The following ROBO1 variants were observed in gnomAD, a reference collection of about 807,000 sequenced individuals.
ROBO1 encodes roundabout homolog 1.
In ROBO1, 149 loss-of-function variants were observed where a neutral mutation model predicts 195.9. That is an observed-to-expected ratio of 0.76 (90% CI 0.67 to 0.87). The LOEUF (loss-of-function observed/expected upper bound fraction) is 0.87, where lower values mean the gene tolerates loss of function less well. ROBO1 is among the 40% of genes least tolerant of loss of function. The probability of loss-of-function intolerance (pLI) is 0.00; values close to 1 mark genes in which losing one functional copy is unlikely to be tolerated. For missense variants in ROBO1, 1,933 were observed against 2,068.3 expected, an observed-to-expected ratio of 0.93 and a Z score of 1.27; for synonymous variants, 816 against 733.2, an observed-to-expected ratio of 1.11 and a Z score of -1.82.
chr3:79,091,488 T>A (rs552755483), intron 3 of ROBO1, among the ~76,000 whole-genome samples: 21 of 152,178 alleles, frequency 1.4e-4, no homozygotes, highest in African/African-American at 4.6e-4. Flanking sequence ...ACAGTAAGTG[T>A]AGTAAATGTT....
At chr3:79,317,914 C>A (rs1235167602) in intron 2 of ROBO1, among the ~76,000 whole-genome samples, 1 of 151,986 alleles carries the variant, frequency 6.6e-6, no homozygotes, top group Non-Finnish European at 1.5e-5. Context: ...GCATAAACAA[C>A]TTTATGTGTG....
chr3:79,708,901 T>C (rs974337130), intron 1 of ROBO1, among the ~76,000 whole-genome samples: 1 of 152,068 alleles, frequency 6.6e-6, no homozygotes, highest in Non-Finnish European at 1.5e-5. Flanking sequence ...ATATGATGAA[T>C]AGGAGAATAA....
At chr3:79,454,423 A>G (rs1237495800) in intron 2 of ROBO1, among the ~76,000 whole-genome samples, 2 of 152,118 alleles carry the variant, frequency 1.3e-5, no homozygotes, top group Non-Finnish European at 2.9e-5. Context: ...TGACATGAGC[A>G]TTGACTTACA....
chr3:79,161,054 T>C (rs918610780), intron 2 of ROBO1, among the ~76,000 whole-genome samples: 16 of 152,070 alleles, frequency 1.1e-4, no homozygotes, highest in Admixed American at 2.6e-4. Flanking sequence ...AAAGTCAAGG[T>C]ATTTTGGTAA....
At chr3:79,059,792 C>T (rs987191203) in intron 3 of ROBO1, among the ~76,000 whole-genome samples, 2 of 151,996 alleles carry the variant, frequency 1.3e-5, no homozygotes, top group Non-Finnish European at 2.9e-5. Flanking sequence ...TATGTTGCCT[C>T]AGGACCCTGT....
intron 2 of ROBO1, among the ~76,000 whole-genome samples, chr3:79,295,022 T>C (rs2032501750): frequency 6.6e-6 from 1 of 152,096 alleles, no homozygotes; most frequent in African/African-American, 2.4e-5. Flanking sequence ...AGTTCAACCA[T>C]TGTGGAAGAC....
At chr3:78,737,712 C>T (rs1378857334) in intron 5 of ROBO1, among the ~76,000 whole-genome samples, 1 of 152,032 alleles carries the variant, frequency 6.6e-6, no homozygotes, top group Non-Finnish European at 1.5e-5. Flanking sequence ...TTAAGATAGA[C>T]AGGAAAAATT....
intron 2 of ROBO1, among the ~76,000 whole-genome samples, chr3:79,381,355 CAAAAAAAAAAAAAA>C (rs61680946): frequency 3.0e-4 from 18 of 60,718 alleles, no homozygotes; most frequent in Non-Finnish European, 4.7e-4. Flanking sequence ...AACTCCGTCT[CAAAAAAAAAAAAAA>C]AAAAAAAAGA....
In ROBO1 at chr3:78,925,385, A is replaced by C. The variant is rs180802289; in HGVS notation, c.499+13216T>G. 2.8e-3 allele frequency among the ~76,000 whole-genome samples: 431 copies of C among 152,334 alleles called. 1 individual carries two copies. The highest frequency in any genetic ancestry group is 0.014 in the Middle Eastern group (4 of 294). ...TTTTGAAAAAGCTGAGCTGCATTGG[A>C]CACTCACAAATATGACTTCTAATTA... On this transcript the variant is annotated intron_variant, in intron 4 of 30. Transcript: ENST00000464233.
At chr3:79,730,068 T>C (rs761472418) in intron 1 of ROBO1, among the ~76,000 whole-genome samples, 13 of 152,308 alleles carry the variant, frequency 8.5e-5, no homozygotes, top group South Asian at 4.1e-4. Context: ...TTGATGATTC[T>C]CCATTTGATG....
At chr3:79,478,794 T>C (rs111418559) in intron 2 of ROBO1, among the ~76,000 whole-genome samples, 31 of 152,322 alleles carry the variant, frequency 2.0e-4, no homozygotes, top group African/African-American at 7.5e-4. Flanking sequence ...CTTAGTGCTT[T>C]ATAACAGGCT....
Position 79,700,986 on chromosome 3 carries a change from T to A in ROBO1, c.-51+66766A>T, listed in dbSNP as rs564966906. Among the ~76,000 whole-genome samples, 6 of 151,950 alleles carry A rather than the reference T, an allele frequency of 3.9e-5. No homozygotes were observed. The South Asian group carries it at 1.0e-3, about 26-fold the overall frequency. Reference sequence around the variant, plus strand: ...TTACATTTAAATATTTAATACATCTTGAGAGAATTTTTGTACCTTGTAAAA... The same window carrying A: ...TTACATTTAAATATTTAATACATCTAGAGAGAATTTTTGTACCTTGTAAAA... On this transcript the variant is annotated intron_variant, in intron 1 of 30. Coordinates refer to ENST00000464233, the MANE Select transcript of ROBO1 (RefSeq NM_002941.4).
At chr3:79,679,154 C>A (rs1946869618) in intron 1 of ROBO1, among the ~76,000 whole-genome samples, 1 of 151,896 alleles carries the variant, frequency 6.6e-6, no homozygotes, top group Admixed American at 6.6e-5. Flanking sequence ...TAAACATTTT[C>A]TAGGCAGGTA....
chr3:79,008,505 G>A (rs1304394782), intron 3 of ROBO1, among the ~76,000 whole-genome samples: 9 of 151,630 alleles, frequency 5.9e-5, no homozygotes, highest in Non-Finnish European at 8.8e-5. Flanking sequence ...TATGCAGCAC[G>A]TACGTGTGTG....
intron 2 of ROBO1, among the ~76,000 whole-genome samples, chr3:79,270,524 TC>T (rs2030453288): frequency 6.6e-6 from 1 of 151,592 alleles, no homozygotes. Flanking sequence ...GTTTTTTTTT[TC>T]CCCCAGGCTG....
intron 4 of ROBO1, among the ~76,000 whole-genome samples, chr3:78,778,944 T>G (rs1321981391): frequency 6.6e-6 from 1 of 152,000 alleles, no homozygotes; most frequent in African/African-American, 2.4e-5. Flanking sequence ...GCCTCAGAAA[T>G]AACGCCACGC....
At chr3:79,728,579 T>C (rs369145943) in intron 1 of ROBO1, among the ~76,000 whole-genome samples, 5 of 152,318 alleles carry the variant, frequency 3.3e-5, no homozygotes, top group East Asian at 3.9e-4. Flanking sequence ...TTAATACTAG[T>C]ATTTATAATT....
chr3:79,726,697 G>C (rs920671924), intron 1 of ROBO1, among the ~76,000 whole-genome samples: 2 of 152,106 alleles, frequency 1.3e-5, no homozygotes, highest in Non-Finnish European at 2.9e-5. Context: ...AGGCTTTGCT[G>C]GTGCTTTTAG....
intron 10 of ROBO1, among the ~76,000 whole-genome samples, chr3:78,677,682 G>A (rs1315196409): frequency 6.6e-6 from 1 of 151,926 alleles, no homozygotes; most frequent in Non-Finnish European, 1.5e-5. Flanking sequence ...AGCAAGTCCT[G>A]AGTGACCTAC....
Sources: allele counts gnomAD v4.1 joint callset (sites outside exome capture counted in the v4.1 genomes callset), GRCh38; gene constraint gnomAD v4.1.1; transcripts MANE v1.5; gene names NCBI Gene and HGNC (gene_info 2026-07-23, HGNC 2026-07-21).